Variants in EYS observed in about 807,000 individuals in gnomAD.
The protein encoded by EYS is EGF-like photoreceptor maintenance factor.
In EYS, 250 loss-of-function variants were observed where a neutral mutation model predicts 282.1. That is an observed-to-expected ratio of 0.89 (90% CI 0.80 to 0.98). The LOEUF is 0.98. Ranked by LOEUF, EYS falls within the 50% of genes least tolerant of loss-of-function variation. The probability of loss-of-function intolerance (pLI) is 0.00; values close to 1 mark genes in which losing one functional copy is unlikely to be tolerated. For synonymous variants in EYS, 1,355 were observed against 1,282.9 expected, an observed-to-expected ratio of 1.06 and a Z score of -1.20; for missense variants, 4,016 against 3,709.0, an observed-to-expected ratio of 1.08 and a Z score of -2.15.
At chr6:65,020,079 G>A (rs1325719688) in intron 13 of EYS, among the ~76,000 whole-genome samples, 1 of 152,094 alleles carries the variant, frequency 6.6e-6, no homozygotes, top group Non-Finnish European at 1.5e-5. Flanking sequence ...AATTCAAGAT[G>A]AGATTTGGGT....
At chr6:64,993,828 T>C (rs1380530504) in intron 14 of EYS, among the ~76,000 whole-genome samples, 2 of 150,906 alleles carry the variant, frequency 1.3e-5, no homozygotes, top group Non-Finnish European at 3.0e-5. Context: ...GACATATAAA[T>C]TCAGTTTGTT....
At position 65,059,007 on chromosome 6, in the gene EYS, G is replaced by A. The variant is rs576604688; in HGVS notation, c.2024-1280C>T. On this transcript the variant is annotated intron_variant, in intron 12 of 42. Transcript: ENST00000503581. ...TTAATCTAATAGGAATCAACGTACT[G>A]GACTAAATAGAAAATATCACTATTA... Among the ~76,000 whole-genome samples, 5 of 151,736 alleles carry A rather than the reference G, an allele frequency of 3.3e-5. No individual in the cohort carries two copies. In the South Asian group the frequency reaches 8.3e-4, roughly 25 times the overall value.
chr6:65,029,816 G>T (rs1772539556), intron 13 of EYS, among the ~76,000 whole-genome samples: 1 of 152,164 alleles, frequency 6.6e-6, no homozygotes, highest in Non-Finnish European at 1.5e-5. Context: ...AAAGAAGATG[G>T]ATACCCGGGG....
rs1172717557 is a variant in EYS at position 63,727,725 on chromosome 6, A to AT, written c.8072-1046_8072-1045insA. On this transcript the variant is annotated intron_variant, in intron 41 of 42. Transcript: ENST00000503581. The stretch of plus-strand genomic sequence containing the variant: ...ATCTCTCAAAAAAAAAAAAAAAAAA[A>AT]AAAAAAAAAAAAATATATATATATA... 1.1e-3 allele frequency among the ~76,000 whole-genome samples: 66 copies of AT among 62,692 alleles called. 1 individual carries two copies. The highest frequency in any genetic ancestry group is 7.6e-3 in the African/African-American group (61 of 8,020). The allele number at this position is 62,692 out of a possible 152,430, so 41.1% of individuals were successfully genotyped here. A position where few individuals can be genotyped will look rare whatever the true frequency, so the allele number is the denominator to read the frequency against.
intron 7 of EYS, among the ~76,000 whole-genome samples, chr6:65,399,494 T>G (rs1766413052): frequency 6.6e-6 from 1 of 152,066 alleles, no homozygotes; most frequent in Non-Finnish European, 1.5e-5. Flanking sequence ...AAACACATTC[T>G]TCTTGAATAT....
intron 35 of EYS, among the ~76,000 whole-genome samples, chr6:63,942,668 A>G (rs1765277968): frequency 6.6e-6 from 1 of 152,220 alleles, no homozygotes; most frequent in African/African-American, 2.4e-5. Context: ...AAACTAAAGC[A>G]AACAGTGGAA....
At chr6:64,872,189 T>C (rs181672121) in intron 19 of EYS, among the ~76,000 whole-genome samples, 1 of 152,122 alleles carries the variant, frequency 6.6e-6, no homozygotes, top group East Asian at 1.9e-4. Context: ...TGACTCCTCA[T>C]AGCCAGCCTG....
chr6:64,300,958 A>C (rs2150372395), intron 30 of EYS, among the ~76,000 whole-genome samples: 1 of 152,350 alleles, frequency 6.6e-6, no homozygotes, highest in Admixed American at 6.5e-5. Flanking sequence ...CTCTAGTAGA[A>C]AAGAATTTTC....
chr6:65,607,527 GC>G (rs1164319035), intron 2 of EYS, among the ~76,000 whole-genome samples: 1 of 151,472 alleles, frequency 6.6e-6, no homozygotes, highest in Non-Finnish European at 1.5e-5. Flanking sequence ...TATAAGAGTC[GC>G]CCTATGATAT....
chr6:65,536,696 A>T (rs1767975470), intron 2 of EYS, among the ~76,000 whole-genome samples: 1 of 152,156 alleles, frequency 6.6e-6, no homozygotes, highest in Non-Finnish European at 1.5e-5. Context: ...CCAGAAATCA[A>T]ACAAAAATTA....
chr6:65,187,287 A>T lies in EYS; in HGVS notation c.2023+108576T>A, dbSNP rs144531023. On this transcript the variant is annotated intron_variant, in intron 12 of 42. Transcript: ENST00000503581. ...CAAGAGAAAAAGCCATCAGAAATAG[A>T]TTACTCAGGGTAGGGAGGACATCAA... Among the ~76,000 whole-genome samples, 740 of 151,806 alleles carry T rather than the reference A, an allele frequency of 4.9e-3. 4 individuals are homozygous for T. Among genetic ancestry groups the T allele is most frequent in the African/African-American group, 0.017 (701 of 41,506 alleles).
At chr6:65,106,208 T>A (rs1775031882) in intron 12 of EYS, among the ~76,000 whole-genome samples, 1 of 152,002 alleles carries the variant, frequency 6.6e-6, no homozygotes, top group African/African-American at 2.4e-5. Context: ...GGTAGTACGA[T>A]CTCTAGACGT....
intron 14 of EYS, among the ~76,000 whole-genome samples, chr6:64,971,033 C>T (rs1476849567): frequency 1.3e-5 from 2 of 152,076 alleles, no homozygotes; most frequent in Non-Finnish European, 2.9e-5. Context: ...ACTATAGACT[C>T]TGATATAATG....
chr6:64,005,720 T>C (rs1353316661), intron 33 of EYS, among the ~76,000 whole-genome samples: 2 of 152,224 alleles, frequency 1.3e-5, no homozygotes, highest in African/African-American at 4.8e-5. Flanking sequence ...ATTTATTGAA[T>C]AGGGAGTCCT....
intron 29 of EYS, among the ~76,000 whole-genome samples, chr6:64,330,893 GC>G (rs1440596023): frequency 6.6e-6 from 1 of 152,164 alleles, no homozygotes; most frequent in Non-Finnish European, 1.5e-5. Context: ...AGCATGGAAA[GC>G]CCCCATTGTG....
intron 37 of EYS, among the ~76,000 whole-genome samples, chr6:63,794,512 C>T (rs1289146372): frequency 6.6e-6 from 1 of 152,146 alleles, no homozygotes; most frequent in Non-Finnish European, 1.5e-5. Flanking sequence ...TTTTAAACAT[C>T]TATTTATGTC....
chr6:64,693,386 T>C (rs181880382), intron 22 of EYS, among the ~76,000 whole-genome samples: 256 of 152,210 alleles, frequency 1.7e-3, no homozygotes, highest in Non-Finnish European at 3.1e-3. Context: ...TTTGCTAATT[T>C]TATGATTTAT....
chr6:64,001,007 A>T (rs1004145491), intron 33 of EYS, among the ~76,000 whole-genome samples: 14 of 152,220 alleles, frequency 9.2e-5, no homozygotes, highest in African/African-American at 3.4e-4. Context: ...TATGTCACAT[A>T]AATCATTTGA....
intron 30 of EYS, among the ~76,000 whole-genome samples, chr6:64,274,700 C>T (rs1481724611): frequency 1.3e-5 from 2 of 151,866 alleles, no homozygotes; most frequent in African/African-American, 2.4e-5. Context: ...CCTGTCACTC[C>T]TACTTATATT....
Sources: allele counts gnomAD v4.1 joint callset (sites outside exome capture counted in the v4.1 genomes callset), GRCh38; gene constraint gnomAD v4.1.1; transcripts MANE v1.5; gene names NCBI Gene and HGNC (gene_info 2026-07-23, HGNC 2026-07-21).